POMT1: variants seen among roughly 807,000 people sequenced by gnomAD.
POMT1 encodes the protein protein O-mannosyl-transferase 1.
A neutral mutation model predicts 101.6 loss-of-function variants in POMT1; 85 were observed. That is an observed-to-expected ratio of 0.84 (90% confidence interval 0.70 to 1.00). The LOEUF (loss-of-function observed/expected upper bound fraction) is 1.00, where lower values mean the gene tolerates loss of function less well. Among genes scored for constraint, POMT1 ranks in the 50% least tolerant of loss-of-function variants. The pLI is 0.00. For synonymous variants in POMT1, 371 were observed against 383.0 expected (o/e 0.97, Z 0.37); for missense variants, 857 against 930.4 (o/e 0.92, Z 1.03).
chr9:131,523,038 C>G lies in POMT1; in HGVS notation c.2110C>G (p.Leu704Val). The change falls in exon 20 of 20, where the codon CTC (leucine) becomes GTC (valine). Residue 704 changes from leucine to valine, a missense_variant. Coordinates refer to ENST00000402686, the MANE Select transcript of POMT1 (RefSeq NM_001077365.2). The part of the protein sequence containing the change: ...LRPLTYGDKS[L>V]SPHELKALRW... The stretch of plus-strand genomic sequence containing the variant: ...CCCACTCACCTACGGGGACAAGTCA[C>G]TCTCGCCACATGAACTCAAGGCCCT... 1 of 1,611,292 alleles carries G rather than the reference C, an allele frequency of 6.2e-7. No homozygotes were observed. The highest frequency in any genetic ancestry group is 8.5e-7 in the Non-Finnish European group (1 of 1,179,836).
intron 2 of POMT1, among the ~76,000 whole-genome samples, chr9:131,504,543 A>G (rs1275815183): frequency 6.6e-6 from 1 of 152,136 alleles, no homozygotes; most frequent in Non-Finnish European, 1.5e-5. Context: ...TGAGTCTGTA[A>G]CAGGTGAAAT....
chr9:131,512,071 G>A lies in POMT1; in HGVS notation c.1017G>A (p.Gln339=). The A allele has an allele frequency of 6.2e-7, 1 of 1,614,112 alleles. No homozygotes were observed. The highest frequency in any genetic ancestry group is 1.1e-5 in the South Asian group (1 of 91,080). Residue 339 remains glutamine (Q), a synonymous_variant, in exon 11 of 20, where the codon CAG becomes CAA. Coordinates refer to ENST00000402686, the MANE Select transcript of POMT1 (RefSeq NM_001077365.2). ...AGAACGGCCGAGGCAGCTCCCACCA[G>A]CAACAGGTGACCTGTTACCCCTTCA... ...IYENGRGSSH[Q]QQVTCYPFKD...
chr9:131,521,051 C>T lies in POMT1; in HGVS notation c.1699-295C>T, dbSNP rs187378323. The T allele has an allele frequency of 6.2e-3, 2,655 of 428,676 alleles. 22 individuals are homozygous for T. The highest frequency in any genetic ancestry group is 9.1e-3 in the Non-Finnish European group (2,088 of 228,300). 26.6% of individuals were successfully genotyped at this position (428,676 alleles called of 1,614,324 possible). On this transcript the variant is annotated intron_variant, in intron 17 of 19. Transcript: ENST00000402686. ...AGAGACGGGGTTTCGCCACGTTGGG[C>T]AGGCTGGTCTCAAACTCCTGACTTC...
chr9:131,516,917 C>T (rs1948804048), intron 13 of POMT1: 1 of 152,256 alleles, frequency 6.6e-6, no homozygotes, highest in African/African-American at 2.4e-5. Flanking sequence ...TCTGTGGTCA[C>T]CTTTCCTTCC....
chr9:131,519,465 G>C lies in POMT1; in HGVS notation c.1563G>C (p.Met521Ile). Residue 521 changes from methionine (M) to isoleucine (I), a missense_variant, in exon 16 of 20, where the codon ATG becomes ATC. Met to Ile is a conservative substitution (Grantham distance 10). Transcript: ENST00000402686. The surrounding 1 kb of genome is among the most constrained non-coding windows in gnomAD (Gnocchi z 4.3). ...QVDVSRNLSF[M>I]ARFSELQWRM... ...ACGTCAGCAGGAACCTCAGCTTCAT[G>C]GCGAGATTCTCGGAGCTGCAGGTGA... 6.4e-7 allele frequency: 1 copy of C among 1,550,938 alleles called. No individual in the cohort carries two copies. Among genetic ancestry groups the C allele is most frequent in the Non-Finnish European group, 8.7e-7 (1 of 1,147,028 alleles).
chr9:131,511,923 C>T, intron 10 of POMT1, 118 bp from the exon 11 acceptor site: 5 of 975,396 alleles, frequency 5.1e-6, no homozygotes, highest in Non-Finnish European at 8.0e-6. Flanking sequence ...GTTGCCCAGG[C>T]TGGTCTCAAA....
chr9:131,512,016 A>C, intron 10 of POMT1, 25 bp from the exon 11 acceptor site: 1 of 1,613,762 alleles, frequency 6.2e-7, no homozygotes, highest in Non-Finnish European at 8.5e-7. Flanking sequence ...TGGCCCAGAT[A>C]CATCTCTTTG....
rs1380315142 is a variant in POMT1 at position 131,523,158 on chromosome 9, G to A, written c.*52G>A. 1 of 1,586,588 alleles carries A rather than the reference G, an allele frequency of 6.3e-7. No individual in the cohort carries two copies. The highest frequency in any genetic ancestry group is 8.6e-7 in the Non-Finnish European group (1 of 1,168,822). On this transcript the variant is annotated 3_prime_UTR_variant, in exon 20 of 20. Transcript: ENST00000402686. ...TGCTGGGGTCGGGATGAGGTTGAAGGGTCTTGGTCAATGTACGTAATGAGC... is the reference window on the plus strand; with the variant it reads ...TGCTGGGGTCGGGATGAGGTTGAAGAGTCTTGGTCAATGTACGTAATGAGC...
chr9:131,512,000 C>T (rs749408273), intron 10 of POMT1, 41 bp from the exon 11 acceptor site: 50 of 1,609,820 alleles, frequency 3.1e-5, no homozygotes, highest in East Asian at 4.5e-5. Context: ...CCTGAGCCAC[C>T]GCGCCTGGCC....
Position 131,504,241 on chromosome 9 carries a change from C to T in POMT1, c.23C>T (p.Pro8Leu), listed in dbSNP as rs760216356. 10 of 1,614,132 alleles carry T rather than the reference C, an allele frequency of 6.2e-6. No homozygotes were observed. The highest frequency in any genetic ancestry group is 8.5e-6 in the Non-Finnish European group (10 of 1,180,020). The change falls in exon 2 of 20, where the codon CCT becomes CTT. Residue 8 changes from proline (P) to leucine (L), a missense_variant. Transcript: ENST00000402686. ...AAGATGTGGGGATTTTTGAAGCGCCCTGTAGTGGTGACGGCTGACATCAAC... is the reference window on the plus strand; with the variant it reads ...AAGATGTGGGGATTTTTGAAGCGCCTTGTAGTGGTGACGGCTGACATCAAC... MWGFLKR[P>L]VVVTADINLS...
intron 2 of POMT1, among the ~76,000 whole-genome samples, chr9:131,504,746 A>AAT (rs113909974): frequency 0.36 from 20,510 of 57,020 alleles, 1,746 homozygotes; most frequent in South Asian, 0.43. Flanking sequence ...TTAACTGATT[A>AAT]ATGTGTGTAT....
chr9:131,518,284 G>A, intron 13 of POMT1, 161 bp from the exon 14 acceptor site: 1 of 782,582 alleles, frequency 1.3e-6, no homozygotes, highest in Non-Finnish European at 2.3e-6. Flanking sequence ...TGGGCATTGG[G>A]AAGGAAGGCC....
rs1377326677 is a variant in POMT1 at position 131,523,169 on chromosome 9, A to G, written c.*63A>G. On this transcript the variant is annotated 3_prime_UTR_variant, in exon 20 of 20. Coordinates refer to ENST00000402686, the MANE Select transcript of POMT1 (RefSeq NM_001077365.2). Reference sequence around the variant, plus strand: ...GGATGAGGTTGAAGGGTCTTGGTCAATGTACGTAATGAGCAGGGTGGGCCC... The same window carrying G: ...GGATGAGGTTGAAGGGTCTTGGTCAGTGTACGTAATGAGCAGGGTGGGCCC... 2.6e-6 allele frequency: 4 copies of G among 1,566,916 alleles called. No individual in the cohort carries two copies. Among genetic ancestry groups the G allele is most frequent in the Non-Finnish European group, 3.5e-6 (4 of 1,155,922 alleles).
At chr9:131,504,454 G>A (rs2131557685) in intron 2 of POMT1, 114 bp downstream of exon 2, 1 of 1,529,250 alleles carries the variant, frequency 6.5e-7, no homozygotes, top group East Asian at 2.3e-5. Context: ...TTGGTGATAG[G>A]TGTTTTTGGC....
Position 131,507,431 on chromosome 9 carries a change from C to T in POMT1, c.344C>T (p.Ser115Leu), listed in dbSNP as rs1210438872. ...CTGCCAGCACTCGCGGGGGCCTTGTCGGTCCCCATGGCCTACCAGATAGTG... is the reference window on the plus strand; with the variant it reads ...CTGCCAGCACTCGCGGGGGCCTTGTTGGTCCCCATGGCCTACCAGATAGTG... ...RLLPALAGALSVPMAYQIVLE... is the reference protein window; with the variant it reads ...RLLPALAGALLVPMAYQIVLE... The change falls in exon 5 of 20, where the codon TCG becomes TTG. Residue 115 changes from serine (S) to leucine (L), a missense_variant. By Grantham distance (145) the Ser-to-Leu change is moderately radical. Transcript: ENST00000402686. 1.1e-5 allele frequency: 18 copies of T among 1,614,178 alleles called. No homozygotes were observed. The highest frequency in any genetic ancestry group is 3.3e-5 in the South Asian group (3 of 91,078).
chr9:131,504,747 A>ATGTGTGTGTGTGTG (rs1554770656), intron 2 of POMT1, among the ~76,000 whole-genome samples: 1 of 122,700 alleles, frequency 8.1e-6, no homozygotes, highest in African/African-American at 3.3e-5. Flanking sequence ...TAACTGATTA[A>ATGTGTGTGTGTGTG]TGTGTGTATG....
At chr9:131,510,057 C>G in intron 8 of POMT1, 61 bp downstream of exon 8, 1 of 1,614,104 alleles carries the variant, frequency 6.2e-7, no homozygotes, top group Non-Finnish European at 8.5e-7. Context: ...GCAGATGTCA[C>G]AGGGGGTACT....
chr9:131,519,946 C>G lies in POMT1; in HGVS notation c.1585-134C>G. 2.7e-6 allele frequency: 2 copies of G among 733,172 alleles called. No homozygotes were observed. The highest frequency in any genetic ancestry group is 4.8e-6 in the Non-Finnish European group (2 of 416,418). The allele number at this position is 733,172 out of a possible 1,614,324, so 45.4% of individuals were successfully genotyped here. ...ATCCAGGTTCTCATCATGCTGCCTC[C>G]GATGCATGATCCGAATGAACTTGAG... On this transcript the variant is annotated intron_variant, in intron 16 of 19. Coordinates refer to ENST00000402686, the MANE Select transcript of POMT1 (RefSeq NM_001077365.2). This position sits in a 1 kb window ranked among gnomAD's most constrained non-coding sequence, Gnocchi z 4.3.
At chr9:131,507,915 A>C (rs1461073422) in intron 5 of POMT1, among the ~76,000 whole-genome samples, 1 of 152,002 alleles carries the variant, frequency 6.6e-6, no homozygotes, top group Admixed American at 6.6e-5. Flanking sequence ...CACGTTTATG[A>C]ACAGATGAAA....
Sources: gnomAD v4.1 joint callset for allele counts (sites outside exome capture counted in the v4.1 genomes callset) on GRCh38, gnomAD v4.1.1 for gene constraint, Gnocchi (gnomAD v3.1) non-coding constraint, MANE v1.5 for transcripts, NCBI Gene and HGNC (gene_info 2026-07-23, HGNC 2026-07-21) for gene names.